Variants in ELOVL7 observed in about 807,000 individuals in gnomAD.
ELOVL7 encodes the protein ELOVL fatty acid elongase 7.
A neutral mutation model predicts 35.7 loss-of-function variants in ELOVL7; 27 were observed. That is an observed-to-expected ratio of 0.76 (90% CI 0.56 to 1.04). The LOEUF (loss-of-function observed/expected upper bound fraction) is 1.04. Among genes scored for constraint, ELOVL7 ranks in the 50% least tolerant of loss-of-function variants. ELOVL7 has a pLI of 0.00. For missense variants in ELOVL7, 327 were observed against 340.8 expected (o/e 0.96, Z 0.32); for synonymous variants, 113 against 114.6 (o/e 0.99, Z 0.09).
At chr5:60,777,402 GA>G (rs1156467551) in intron 3 of ELOVL7, among the ~76,000 whole-genome samples, 1 of 151,578 alleles carries the variant, frequency 6.6e-6, no homozygotes, top group Non-Finnish European at 1.5e-5. Context: ...ATTTTTAAAA[GA>G]AAAATACTCA....
At chr5:60,800,454 T>C (rs186368484) in intron 1 of ELOVL7, among the ~76,000 whole-genome samples, 127 of 152,268 alleles carry the variant, frequency 8.3e-4, no homozygotes, top group Non-Finnish European at 7.1e-4. Flanking sequence ...AAAAACTCAA[T>C]GAATTCAGTT....
intron 5 of ELOVL7, among the ~76,000 whole-genome samples, chr5:60,766,993 T>C (rs867219942): frequency 6.6e-6 from 1 of 152,366 alleles, no homozygotes; most frequent in Middle Eastern, 3.4e-3. Flanking sequence ...TAGCATAGTG[T>C]TCTCAGGGTT....
At chr5:60,798,462 G>A (rs749415864) in intron 2 of ELOVL7, among the ~76,000 whole-genome samples, 4 of 152,154 alleles carry the variant, frequency 2.6e-5, no homozygotes, top group African/African-American at 7.2e-5. Flanking sequence ...CTTGCTGAGG[G>A]TGGAGGGGAG....
At chr5:60,815,577 T>C (rs1745471583) in intron 1 of ELOVL7, among the ~76,000 whole-genome samples, 1 of 149,340 alleles carries the variant, frequency 6.7e-6, no homozygotes, top group Non-Finnish European at 1.5e-5. Context: ...AATTTATTTA[T>C]TTTTTTTTGA....
intron 3 of ELOVL7, among the ~76,000 whole-genome samples, chr5:60,786,826 C>T (rs987278155): frequency 1.3e-5 from 2 of 151,850 alleles, no homozygotes; most frequent in African/African-American, 4.8e-5. Flanking sequence ...CCTGTAGTCC[C>T]AGCTACTTGG....
At chr5:60,825,619 A>G (rs1305878909) in intron 1 of ELOVL7, among the ~76,000 whole-genome samples, 1 of 152,160 alleles carries the variant, frequency 6.6e-6, no homozygotes, top group Admixed American at 6.6e-5. Flanking sequence ...TTGTTGAATG[A>G]ATGGATGGAT....
intron 1 of ELOVL7, among the ~76,000 whole-genome samples, chr5:60,828,949 T>A (rs1176362527): frequency 6.6e-6 from 1 of 152,214 alleles, no homozygotes; most frequent in Non-Finnish European, 1.5e-5. Flanking sequence ...TTAGGCATGA[T>A]AATGGTATGG....
intron 1 of ELOVL7, among the ~76,000 whole-genome samples, chr5:60,804,503 G>A (rs1311600568): frequency 6.6e-6 from 1 of 152,172 alleles, no homozygotes; most frequent in Non-Finnish European, 1.5e-5. Context: ...TAGACTCTGG[G>A]ATGAATAAAT....
In ELOVL7 at chr5:60,772,910, A is replaced by G. The variant is rs572191781; in HGVS notation, c.65-817T>C. On this transcript the variant is annotated intron_variant, in intron 3 of 8. Coordinates refer to ENST00000508821, the MANE Select transcript of ELOVL7 (RefSeq NM_024930.3). Reference sequence around the variant, plus strand: ...TTTTTCCTTCCCCAGGAAAACTGGCACACTTCCACATATACTGTATCACAG... The same window carrying G: ...TTTTTCCTTCCCCAGGAAAACTGGCGCACTTCCACATATACTGTATCACAG... Among the ~76,000 whole-genome samples, 3 of 152,292 alleles carry G rather than the reference A, an allele frequency of 2.0e-5. No homozygotes were observed. The East Asian group carries it at 5.8e-4, about 29-fold the overall frequency.
intron 4 of ELOVL7, among the ~76,000 whole-genome samples, chr5:60,771,464 A>C (rs1345532419): frequency 6.6e-6 from 1 of 152,336 alleles, no homozygotes; most frequent in East Asian, 1.9e-4. Context: ...CTACCATCCC[A>C]TAGTTCATCA....
chr5:60,796,312 T>C (rs1744258494), intron 2 of ELOVL7, among the ~76,000 whole-genome samples: 1 of 152,240 alleles, frequency 6.6e-6, no homozygotes, highest in Admixed American at 6.5e-5. Flanking sequence ...CTGAAGTATA[T>C]TAAAACATGG....
At chr5:60,806,935 A>T (rs988313460) in intron 1 of ELOVL7, among the ~76,000 whole-genome samples, 3 of 152,242 alleles carry the variant, frequency 2.0e-5, no homozygotes, top group Admixed American at 1.3e-4. Flanking sequence ...TGCCCACAGA[A>T]TTTCACAGAG....
chr5:60,810,803 G>T (rs1189495587), intron 1 of ELOVL7, among the ~76,000 whole-genome samples: 1 of 152,158 alleles, frequency 6.6e-6, no homozygotes. Flanking sequence ...TGTAGGGTAG[G>T]GTGGAAGGGC....
intron 3 of ELOVL7, among the ~76,000 whole-genome samples, chr5:60,778,150 A>T (rs1743021647): frequency 6.6e-6 from 1 of 152,196 alleles, no homozygotes; most frequent in Non-Finnish European, 1.5e-5. Flanking sequence ...TAACAATGGC[A>T]AGCTTTCTAG....
intron 1 of ELOVL7, among the ~76,000 whole-genome samples, chr5:60,833,540 G>A (rs1234253353): frequency 6.6e-6 from 1 of 151,696 alleles, no homozygotes; most frequent in African/African-American, 2.4e-5. Flanking sequence ...TACTATCTAG[G>A]ATTATCTCCC....
chr5:60,834,706 T>C (rs191101380), intron 1 of ELOVL7, among the ~76,000 whole-genome samples: 142 of 152,276 alleles, frequency 9.3e-4, no homozygotes, highest in African/African-American at 3.3e-3. Context: ...TAAGTGAAGG[T>C]TCTGACTACT....
In ELOVL7 at chr5:60,757,854, G is replaced by A. The variant is rs369814332; in HGVS notation, c.500-209C>T. ...TATGAACCTGAGAAAGTAAATTAGC[G>A]TATCTTTATTTTGTTATATCTTAGC... On this transcript the variant is annotated intron_variant, in intron 7 of 8. Coordinates refer to ENST00000508821, the MANE Select transcript of ELOVL7 (RefSeq NM_024930.3). 6.6e-5 allele frequency among the ~76,000 whole-genome samples: 10 copies of A among 152,132 alleles called. No individual in the cohort carries two copies. The East Asian group carries it at 9.6e-4, about 15-fold the overall frequency.
intron 1 of ELOVL7, among the ~76,000 whole-genome samples, chr5:60,834,826 T>C (rs983109081): frequency 6.7e-6 from 1 of 150,368 alleles, no homozygotes; most frequent in Non-Finnish European, 1.5e-5. Flanking sequence ...AATGAAAAAT[T>C]TATTTAGATA....
intron 1 of ELOVL7, among the ~76,000 whole-genome samples, chr5:60,819,914 A>G (rs191261155): frequency 4.7e-4 from 71 of 152,354 alleles, no homozygotes; most frequent in African/African-American, 1.7e-3. Flanking sequence ...GGGTTTCCAC[A>G]GATGTAATTA....
Sources: allele counts gnomAD v4.1 joint callset (sites outside exome capture counted in the v4.1 genomes callset), GRCh38; gene constraint gnomAD v4.1.1; transcripts MANE v1.5; gene names NCBI Gene and HGNC (gene_info 2026-07-23, HGNC 2026-07-21).